The following DAB1 variants were observed in gnomAD, a reference collection of about 807,000 sequenced individuals.
DAB1 encodes DAB adaptor protein 1, also known as disabled homolog 1.
In DAB1, 15 loss-of-function variants were observed where a neutral mutation model predicts 64.6. The observed-to-expected ratio is 0.23, with a 90% CI of 0.16 to 0.36. The LOEUF (loss-of-function observed/expected upper bound fraction) is 0.36. DAB1 is among the 10% of genes least tolerant of loss of function. The probability of loss-of-function intolerance (pLI) is 1.00; values close to 1 mark genes in which losing one functional copy is unlikely to be tolerated. For missense variants in DAB1, 596 were observed against 706.7 expected (o/e 0.84, Z 1.78); for synonymous variants, 235 against 251.9 (o/e 0.93, Z 0.64).
At chr1:57,678,930 C>A (rs1440589448) in intron 6 of DAB1, among the ~76,000 whole-genome samples, 1 of 71,200 alleles carries the variant, frequency 1.4e-5, no homozygotes, top group African/African-American at 7.1e-5. Context: ...CCATGCCCGG[C>A]TAATTTTTTT....
intron 4 of DAB1, among the ~76,000 whole-genome samples, chr1:57,093,029 G>T (rs542572106): frequency 1.3e-5 from 2 of 152,184 alleles, no homozygotes; most frequent in African/African-American, 4.8e-5. Flanking sequence ...GCAAGTACAG[G>T]GCCTGATAAG....
intron 4 of DAB1, among the ~76,000 whole-genome samples, chr1:57,112,650 C>G (rs1161059201): frequency 6.6e-6 from 1 of 152,090 alleles, no homozygotes. Context: ...CATGAGCTTT[C>G]AGGTCAGCTA....
At chr1:57,806,833 T>C (rs1651385056) in intron 6 of DAB1, among the ~76,000 whole-genome samples, 2 of 152,206 alleles carry the variant, frequency 1.3e-5, no homozygotes, top group Non-Finnish European at 2.9e-5. Context: ...ACTTCCCTTC[T>C]CTCCATTGTT....
chr1:57,008,132 TA>T (rs1274349797), intron 14 of DAB1, among the ~76,000 whole-genome samples: 1 of 152,200 alleles, frequency 6.6e-6, no homozygotes, highest in African/African-American at 2.4e-5. Context: ...GGGAGGTACT[TA>T]TTTTGACTTG....
At chr1:57,283,068 C>A (rs1290504904) in intron 2 of DAB1, among the ~76,000 whole-genome samples, 1 of 152,226 alleles carries the variant, frequency 6.6e-6, no homozygotes. Context: ...GCAACTCAGA[C>A]AGACAAGCCC....
At chr1:57,904,426 T>G (rs1202849) in intron 5 of DAB1, among the ~76,000 whole-genome samples, 1 of 151,988 alleles carries the variant, frequency 6.6e-6, no homozygotes, top group African/African-American at 2.4e-5. Context: ...GATCTGTGAC[T>G]GTACACAGTA....
chr1:58,185,083 AC>A (rs762932722), intron 4 of DAB1, among the ~76,000 whole-genome samples: 11 of 152,186 alleles, frequency 7.2e-5, no homozygotes, highest in Non-Finnish European at 1.0e-4. Flanking sequence ...ACAAAACAAA[AC>A]AAAAAACTCA....
intron 14 of DAB1, among the ~76,000 whole-genome samples, chr1:57,009,778 TAAG>T (rs1444466567): frequency 6.6e-6 from 1 of 152,208 alleles, no homozygotes; most frequent in Non-Finnish European, 1.5e-5. Flanking sequence ...TTCTGTCTCC[TAAG>T]AAGGTTTGCT....
chr1:57,616,444 G>C (rs993421624), intron 7 of DAB1, among the ~76,000 whole-genome samples: 38 of 152,020 alleles, frequency 2.5e-4, no homozygotes, highest in African/African-American at 9.2e-4. Context: ...TGTCAGTTTT[G>C]CTCACCTGGT....
At chr1:57,943,941 G>T (rs1453256097) in intron 5 of DAB1, among the ~76,000 whole-genome samples, 1 of 152,104 alleles carries the variant, frequency 6.6e-6, no homozygotes, top group Non-Finnish European at 1.5e-5. Flanking sequence ...TGCCTGAGAA[G>T]AGGGAAGAGA....
chr1:58,238,631 G>A (rs922789668), intron 4 of DAB1, among the ~76,000 whole-genome samples: 3 of 152,170 alleles, frequency 2.0e-5, no homozygotes, highest in African/African-American at 7.2e-5. Context: ...AATGTGTGAT[G>A]TTTAATGGGA....
chr1:58,112,677 C>A (rs1347240505), intron 5 of DAB1, among the ~76,000 whole-genome samples: 1 of 152,194 alleles, frequency 6.6e-6, no homozygotes, highest in African/African-American at 2.4e-5. Context: ...TAATTCAGTG[C>A]TCAGCACATA....
chr1:57,685,554 T>C (rs868443847), intron 6 of DAB1, among the ~76,000 whole-genome samples: 7 of 152,136 alleles, frequency 4.6e-5, no homozygotes, highest in African/African-American at 1.4e-4. Context: ...ACTAGACCAA[T>C]TGGACCTAAT....
In DAB1 at chr1:57,260,644, T is replaced by A. The variant is rs143782657; in HGVS notation, c.67+30320A>T. 2.4e-4 allele frequency among the ~76,000 whole-genome samples: 36 copies of A among 152,230 alleles called. No individual in the cohort carries two copies. The East Asian group carries it at 7.0e-3, about 29-fold the overall frequency. ...AAGAGCCTTTACAGGATCCTCTAAG[T>A]TAATCCCCCATGGTACAGATAAGGC... On this transcript the variant is annotated intron_variant, in intron 2 of 14. Transcript: ENST00000371236.
chr1:58,390,105 G>A (rs1644464011), intron 3 of DAB1, among the ~76,000 whole-genome samples: 1 of 152,110 alleles, frequency 6.6e-6, no homozygotes, highest in Non-Finnish European at 1.5e-5. Context: ...AGGGGAGGCT[G>A]GGGGAAGGGA....
At chr1:57,124,503 C>T (rs1656956313) in intron 4 of DAB1, among the ~76,000 whole-genome samples, 1 of 152,072 alleles carries the variant, frequency 6.6e-6, no homozygotes, top group Non-Finnish European at 1.5e-5. Flanking sequence ...CCAGTAAAAT[C>T]TTTATTTTCA....
At chr1:57,655,571 A>G (rs1321973787) in intron 6 of DAB1, among the ~76,000 whole-genome samples, 1 of 152,224 alleles carries the variant, frequency 6.6e-6, no homozygotes. Context: ...CTAGACTTAC[A>G]TTCCTACCCT....
chr1:57,263,655 T>C (rs748602777), intron 2 of DAB1, among the ~76,000 whole-genome samples: 6 of 152,158 alleles, frequency 3.9e-5, no homozygotes, highest in Non-Finnish European at 7.4e-5. Flanking sequence ...TAGGAGAAAA[T>C]GTATCTCTCA....
chr1:58,450,579 C>G (rs1247322888), intron 3 of DAB1, among the ~76,000 whole-genome samples: 1 of 152,076 alleles, frequency 6.6e-6, no homozygotes, highest in Non-Finnish European at 1.5e-5. Flanking sequence ...ACAGTGAAAC[C>G]CCATCTCTAC....
Sources: gnomAD v4.1 joint callset for allele counts (sites outside exome capture counted in the v4.1 genomes callset) on GRCh38, gnomAD v4.1.1 for gene constraint, MANE v1.5 for transcripts, NCBI Gene and HGNC (gene_info 2026-07-23, HGNC 2026-07-21) for gene names.